Variants in EGFR observed in about 807,000 individuals in gnomAD.
EGFR encodes avian erythroblastic leukemia viral (v-erb-b) oncogene homolog.
A neutral mutation model predicts 143.0 loss-of-function variants in EGFR; 58 were observed. The ratio of observed to expected loss-of-function variants is 0.41; its 90% CI spans 0.33 to 0.50. EGFR has a LOEUF of 0.50. EGFR is among the 20% of genes least tolerant of loss of function. EGFR has a pLI of 0.39. For missense variants in EGFR, 1,307 were observed against 1,579.0 expected (o/e 0.83, Z 2.92); for synonymous variants, 613 against 594.4 (o/e 1.03, Z -0.45).
rs1787456557 is a variant in EGFR at position 55,192,772 on chromosome 7, A to G, written c.2632A>G (p.Ile878Val). 1.2e-6 allele frequency: 2 copies of G among 1,614,098 alleles called. No homozygotes were observed. The highest frequency in any genetic ancestry group is 1.3e-5 in the African/African-American group (1 of 75,036). ...EYHAEGGKVPIKWMALESILH... is the reference protein window; with the variant it reads ...EYHAEGGKVPVKWMALESILH... ...CATCTCTCACCATCCCAAGGTGCCT[A>G]TCAAGTGGATGGCATTGGAATCAAT... Residue 878 changes from isoleucine (I) to valine (V), a missense_variant, in exon 22 of 28, where the codon ATC (isoleucine) becomes GTC (valine). Around this residue, in one of 7 missense-constraint regions of EGFR, gnomAD observed 348 missense variants for 451.5 expected, o/e 0.77. Coordinates refer to ENST00000275493, the MANE Select transcript of EGFR (RefSeq NM_005228.5).
chr7:55,137,959 T>C (rs1421781067), intron 1 of EGFR, among the ~76,000 whole-genome samples: 2 of 152,218 alleles, frequency 1.3e-5, no homozygotes, highest in Admixed American at 1.3e-4. Context: ...CTCTCACAGT[T>C]TGTGGATGTT....
intron 1 of EGFR, among the ~76,000 whole-genome samples, chr7:55,082,542 C>T (rs1459839221): frequency 6.6e-6 from 1 of 152,200 alleles, no homozygotes; most frequent in Non-Finnish European, 1.5e-5. Context: ...CAGCATCTTA[C>T]TATGATTGTT....
chr7:55,099,148 CT>C lies in EGFR; in HGVS notation c.89-43135del, dbSNP rs571856709. Among the ~76,000 whole-genome samples, 338 of 152,308 alleles carry C rather than the reference CT, an allele frequency of 2.2e-3. 6 individuals carry two copies. Among genetic ancestry groups the C allele is most frequent in the Admixed American group, 0.017 (262 of 15,294 alleles). ...TCCTTTTCACACATCGTGGTGGTGG[CT>C]TTCTCTGTGTTCCTCTGTTGATTCA... On this transcript the variant is annotated intron_variant, in intron 1 of 27. Coordinates refer to ENST00000275493, the MANE Select transcript of EGFR (RefSeq NM_005228.5).
chr7:55,173,416 T>A (rs1786449319), intron 17 of EGFR, among the ~76,000 whole-genome samples: 1 of 152,218 alleles, frequency 6.6e-6, no homozygotes, highest in South Asian at 2.1e-4. Flanking sequence ...AGCCTGGCTG[T>A]TGATCCCATG....
chr7:55,191,588 C>G (rs1787395280), intron 20 of EGFR, 131 bp from the exon 21 acceptor site: 2 of 1,176,402 alleles, frequency 1.7e-6, no homozygotes, highest in Non-Finnish European at 2.5e-6. Flanking sequence ...TCAGTAGTCA[C>G]TAACGTTCGC....
chr7:55,118,480 C>T (rs1562730070), intron 1 of EGFR, among the ~76,000 whole-genome samples: 1 of 152,208 alleles, frequency 6.6e-6, no homozygotes, highest in Non-Finnish European at 1.5e-5. Flanking sequence ...GTGGACCAGC[C>T]TCTGAACACA....
At chr7:55,071,070 G>C (rs1789794586) in intron 1 of EGFR, among the ~76,000 whole-genome samples, 1 of 152,228 alleles carries the variant, frequency 6.6e-6, no homozygotes, top group Non-Finnish European at 1.5e-5. Context: ...GAGGTGGAAC[G>C]TTGGCCCTTC....
chr7:55,141,686 C>T (rs562943348), intron 1 of EGFR, among the ~76,000 whole-genome samples: 7 of 152,282 alleles, frequency 4.6e-5, no homozygotes, highest in African/African-American at 1.4e-4. Context: ...TTTTAATTTA[C>T]ACTTTTGTCC....
At chr7:55,041,160 C>G (rs111520006) in intron 1 of EGFR, among the ~76,000 whole-genome samples, 2 of 152,130 alleles carry the variant, frequency 1.3e-5, no homozygotes, top group South Asian at 4.1e-4. Flanking sequence ...TGCCTTTAAT[C>G]CCAGCACTTT....
chr7:55,209,980 T>C lies in EGFR; in HGVS notation c.*4363T>C, dbSNP rs1018931454. 4 of 152,186 alleles carry C rather than the reference T, an allele frequency of 2.6e-5. No individual in the cohort carries two copies. Among genetic ancestry groups the C allele is most frequent in the Non-Finnish European group, 4.4e-5 (3 of 68,036 alleles). The allele number at this position is 152,186 out of a possible 1,614,324, so 9.4% of individuals were successfully genotyped here. Reference sequence around the variant, plus strand: ...CTCATTGGGGAGCTAAGCTAGGTCATTGTCATGGTGAAGAAGAGAAGCATC... The same window carrying C: ...CTCATTGGGGAGCTAAGCTAGGTCACTGTCATGGTGAAGAAGAGAAGCATC... On this transcript the variant is annotated 3_prime_UTR_variant, in exon 28 of 28. Transcript: ENST00000275493.
At chr7:55,096,404 C>T (rs1791470881) in intron 1 of EGFR, among the ~76,000 whole-genome samples, 1 of 152,230 alleles carries the variant, frequency 6.6e-6, no homozygotes, top group African/African-American at 2.4e-5. Flanking sequence ...GTGGACTAGA[C>T]CTCTGCACAT....
At chr7:55,057,331 T>A (rs1788889854) in intron 1 of EGFR, among the ~76,000 whole-genome samples, 1 of 152,216 alleles carries the variant, frequency 6.6e-6, no homozygotes, top group African/African-American at 2.4e-5. Context: ...ATACCCGCAA[T>A]CACCAGAAAC....
At chr7:55,199,463 G>T (rs1196993231) in intron 23 of EGFR, among the ~76,000 whole-genome samples, 1 of 152,234 alleles carries the variant, frequency 6.6e-6, no homozygotes, top group Admixed American at 6.5e-5. Context: ...ATATGACAGA[G>T]CCAAGTTAAT....
chr7:55,029,831 G>T (rs1253635460), intron 1 of EGFR, among the ~76,000 whole-genome samples: 1 of 152,096 alleles, frequency 6.6e-6, no homozygotes, highest in Non-Finnish European at 1.5e-5. Context: ...ACTCCTTCCA[G>T]CTGAAAACAT....
At chr7:55,136,272 G>C (rs1794134847) in intron 1 of EGFR, among the ~76,000 whole-genome samples, 1 of 151,972 alleles carries the variant, frequency 6.6e-6, no homozygotes, top group South Asian at 2.1e-4. Flanking sequence ...CAAGAAAGCG[G>C]GAAAAAAATC....
At chr7:55,119,743 T>C (rs1041294923) in intron 1 of EGFR, among the ~76,000 whole-genome samples, 1 of 152,198 alleles carries the variant, frequency 6.6e-6, no homozygotes, top group Admixed American at 6.5e-5. Flanking sequence ...CCTGCCCTGG[T>C]TCACCTCTCC....
chr7:55,043,105 T>A (rs1318006269), intron 1 of EGFR, among the ~76,000 whole-genome samples: 3 of 152,148 alleles, frequency 2.0e-5, no homozygotes, highest in Admixed American at 6.5e-5. Flanking sequence ...TAATACTTGA[T>A]GAGATCGGGC....
intron 1 of EGFR, among the ~76,000 whole-genome samples, chr7:55,021,296 T>C (rs1413884951): frequency 2.6e-5 from 4 of 152,230 alleles, no homozygotes; most frequent in Non-Finnish European, 5.9e-5. Context: ...CTGCCGGTCC[T>C]GTTAGTCAGG....
intron 8 of EGFR, 79 bp from the exon 9 acceptor site, chr7:55,156,454 C>T: frequency 1.3e-6 from 2 of 1,597,314 alleles, no homozygotes; most frequent in Non-Finnish European, 1.7e-6. Context: ...TTCCTTCCTG[C>T]TTCCCTCTGC....
Sources: gnomAD v4.1 joint callset for allele counts (sites outside exome capture counted in the v4.1 genomes callset) on GRCh38, gnomAD v4.1.1 for gene constraint, gnomAD v4.1.1 regional missense constraint, MANE v1.5 for transcripts, NCBI Gene and HGNC (gene_info 2026-07-23, HGNC 2026-07-21) for gene names.